The following LTBP1 variants were observed in gnomAD, a reference collection of about 807,000 sequenced individuals.
The protein encoded by LTBP1 is latent transforming growth factor beta binding protein 1.
A neutral mutation model predicts 207.6 loss-of-function variants in LTBP1; 129 were observed. That is an observed-to-expected ratio of 0.62 (90% CI 0.54 to 0.72). The LOEUF (loss-of-function observed/expected upper bound fraction) is 0.72. LTBP1 is among the 30% of genes least tolerant of loss of function. The pLI, the probability that LTBP1 is intolerant of heterozygous loss-of-function variation, is 0.00. For missense variants in LTBP1, 2,281 were observed against 2,217.2 expected (o/e 1.03, Z -0.58); for synonymous variants, 963 against 833.7 (o/e 1.16, Z -2.67).
At chr2:33,389,156 G>A (rs568927124) in intron 31 of LTBP1, 28 bp from the exon 32 acceptor site, 9 of 1,613,770 alleles carry the variant, frequency 5.6e-6, no homozygotes, top group Non-Finnish European at 7.6e-6. Context: ...ACAGTGGTGG[G>A]GCCTCATGCT....
At chr2:33,199,733 C>T (rs1197960456) in intron 7 of LTBP1, among the ~76,000 whole-genome samples, 1 of 152,192 alleles carries the variant, frequency 6.6e-6, no homozygotes, top group East Asian at 1.9e-4. Flanking sequence ...ACCCCATCGT[C>T]TCAGCCCAAA....
chr2:33,293,140 A>T lies in LTBP1; in HGVS notation c.3113-20A>T, dbSNP rs769333372. The T allele has an allele frequency of 6.2e-7, 1 of 1,601,488 alleles. No individual in the cohort carries two copies. The highest frequency in any genetic ancestry group is 1.8e-5 in the Admixed American group (1 of 56,334). ...TTTTTCTTCTTTTTTTGTTCTTTCC[A>T]TTACGCAACATTCTTCAAGATGTGG... On this transcript the variant is annotated intron_variant, in intron 19 of 33. Coordinates refer to ENST00000404816, the MANE Select transcript of LTBP1 (RefSeq NM_206943.4).
chr2:33,035,740 G>C (rs549176097), intron 3 of LTBP1, among the ~76,000 whole-genome samples: 19 of 152,266 alleles, frequency 1.2e-4, no homozygotes, highest in African/African-American at 4.6e-4. Context: ...CTACGTTCAC[G>C]ACTTGACATT....
At chr2:33,182,749 T>C (rs2086803938) in intron 5 of LTBP1, among the ~76,000 whole-genome samples, 1 of 136,868 alleles carries the variant, frequency 7.3e-6, no homozygotes, top group African/African-American at 2.8e-5. Context: ...CATATATATG[T>C]ATGTATGTGT....
chr2:33,206,866 GTCTT>G (rs200428045), intron 7 of LTBP1, among the ~76,000 whole-genome samples: 2,870 of 152,134 alleles, frequency 0.019, 83 homozygotes, highest in African/African-American at 0.066. Context: ...CTCAACATGA[GTCTT>G]TCTTTTTAGA....
chr2:33,198,210 G>T (rs2088797043), intron 7 of LTBP1, among the ~76,000 whole-genome samples: 1 of 152,122 alleles, frequency 6.6e-6, no homozygotes. Context: ...TTATTGATTT[G>T]CGTATATTGA....
chr2:33,294,830 G>C (rs188460325), intron 20 of LTBP1, among the ~76,000 whole-genome samples: 41 of 151,780 alleles, frequency 2.7e-4, no homozygotes, highest in African/African-American at 9.4e-4. Flanking sequence ...ACCTGCCTCA[G>C]CCTCCCAAAG....
At chr2:33,161,137 T>A (rs1217297843) in intron 5 of LTBP1, among the ~76,000 whole-genome samples, 1 of 152,204 alleles carries the variant, frequency 6.6e-6, no homozygotes, top group African/African-American at 2.4e-5. Context: ...TAAAGCGATG[T>A]CATTCACAGG....
intron 32 of LTBP1, among the ~76,000 whole-genome samples, chr2:33,396,731 A>C (rs763355144): frequency 1.3e-5 from 2 of 152,222 alleles, no homozygotes; most frequent in Non-Finnish European, 2.9e-5. Flanking sequence ...GGACCTTCTT[A>C]GCAAATGCTT....
intron 2 of LTBP1, among the ~76,000 whole-genome samples, chr2:32,964,427 G>A (rs575363253): frequency 6.6e-6 from 1 of 152,076 alleles, no homozygotes; most frequent in South Asian, 2.1e-4. Flanking sequence ...TAAAAATCAG[G>A]TCTTTTAAAA....
At chr2:33,363,649 G>A (rs2150074576) in intron 29 of LTBP1, 131 bp downstream of exon 29, 1 of 1,011,690 alleles carries the variant, frequency 9.9e-7, no homozygotes, top group East Asian at 2.6e-5. Context: ...ACGTTTTAGG[G>A]ATCTTTTTCT....
At chr2:33,141,778 A>AC (rs36118981) in intron 5 of LTBP1, among the ~76,000 whole-genome samples, 1 of 152,026 alleles carries the variant, frequency 6.6e-6, no homozygotes, top group Non-Finnish European at 1.5e-5. Flanking sequence ...ACCGTGGAGC[A>AC]CCCCCCAAAA....
At chr2:32,952,636 T>C (rs1677332348) in intron 2 of LTBP1, among the ~76,000 whole-genome samples, 1 of 152,172 alleles carries the variant, frequency 6.6e-6, no homozygotes, top group South Asian at 2.1e-4. Flanking sequence ...CTCCTATCAT[T>C]TTTGTAGTTT....
chr2:33,211,974 T>G (rs1045645237), intron 7 of LTBP1, among the ~76,000 whole-genome samples: 2 of 152,210 alleles, frequency 1.3e-5, no homozygotes, highest in Non-Finnish European at 2.9e-5. Flanking sequence ...TCTGAAGATA[T>G]GTGTTCCCAG....
At chr2:33,182,003 CATACT>C (rs1375783875) in intron 5 of LTBP1, among the ~76,000 whole-genome samples, 2 of 152,172 alleles carry the variant, frequency 1.3e-5, no homozygotes, top group Admixed American at 6.5e-5. Flanking sequence ...GGGTTCAATA[CATACT>C]TATTGAGCTG....
intron 32 of LTBP1, among the ~76,000 whole-genome samples, chr2:33,394,795 T>C (rs1436113824): frequency 6.6e-6 from 1 of 152,206 alleles, no homozygotes; most frequent in Non-Finnish European, 1.5e-5. Context: ...CAGGCTCTTT[T>C]TTGGTTCCAT....
At chr2:33,142,196 C>T (rs984576121) in intron 5 of LTBP1, among the ~76,000 whole-genome samples, 1 of 151,960 alleles carries the variant, frequency 6.6e-6, no homozygotes, top group Admixed American at 6.6e-5. Flanking sequence ...GGATCACAGG[C>T]GCCCACCACC....
At chr2:32,996,370 G>A (rs1685272110) in intron 2 of LTBP1, among the ~76,000 whole-genome samples, 2 of 152,120 alleles carry the variant, frequency 1.3e-5, no homozygotes, top group Non-Finnish European at 2.9e-5. Flanking sequence ...TCATCCTTAT[G>A]ACCTAATCAC....
chr2:33,079,299 T>C (rs2078265088), intron 3 of LTBP1, among the ~76,000 whole-genome samples: 6 of 152,128 alleles, frequency 3.9e-5, no homozygotes, highest in Admixed American at 3.3e-4. Context: ...CAGTACGTGC[T>C]GTGATGGAGA....
Sources: gnomAD v4.1 joint callset for allele counts (sites outside exome capture counted in the v4.1 genomes callset) on GRCh38, gnomAD v4.1.1 for gene constraint, MANE v1.5 for transcripts, NCBI Gene and HGNC (gene_info 2026-07-23, HGNC 2026-07-21) for gene names.